The following TCF12 variants were observed in gnomAD, a reference collection of about 807,000 sequenced individuals.
The protein encoded by TCF12 is DNA-binding protein HTF4.
Under a neutral mutation model 86.0 loss-of-function variants are expected in TCF12, and 45 were observed. The ratio of observed to expected loss-of-function variants is 0.52; its 90% CI spans 0.41 to 0.67. The LOEUF (loss-of-function observed/expected upper bound fraction) is 0.67, where lower values mean the gene tolerates loss of function less well. TCF12 is among the 30% of genes least tolerant of loss of function. The pLI is 0.00. For synonymous variants in TCF12, 330 were observed against 299.6 expected, an observed-to-expected ratio of 1.10 and a Z score of -1.05; for missense variants, 881 against 859.9, an observed-to-expected ratio of 1.02 and a Z score of -0.31.
chr15:57,042,515 T>C (rs2141464963), intron 3 of TCF12, among the ~76,000 whole-genome samples: 1 of 152,262 alleles, frequency 6.6e-6, no homozygotes, highest in South Asian at 2.1e-4. Context: ...CGGGGCTGAA[T>C]TGATCATCCT....
chr15:57,084,692 G>T (rs1252585484), intron 4 of TCF12, among the ~76,000 whole-genome samples: 1 of 151,860 alleles, frequency 6.6e-6, no homozygotes, highest in Non-Finnish European at 1.5e-5. Flanking sequence ...GCTTTTAAAA[G>T]ATACTATCTA....
At chr15:57,099,404 G>A (rs1056364732) in intron 5 of TCF12, among the ~76,000 whole-genome samples, 2 of 151,940 alleles carry the variant, frequency 1.3e-5, no homozygotes. Context: ...ACTTGAAAGA[G>A]TAACCAGGAT....
intron 6 of TCF12, among the ~76,000 whole-genome samples, chr15:57,170,779 ATATATATATATAATATATATATATAAT>A (rs1273536813): frequency 0.45 from 4,318 of 9,530 alleles, 485 homozygotes; most frequent in Non-Finnish European, 0.52. Context: ...ATTATATATA[ATATATATATATAATATATATATATAAT>A]TTTTTTTTTT....
chr15:57,058,577 T>C (rs1267656208), intron 3 of TCF12, among the ~76,000 whole-genome samples: 3 of 152,228 alleles, frequency 2.0e-5, no homozygotes, highest in African/African-American at 7.2e-5. Context: ...ACTTACTTTC[T>C]TACATATGTG....
intron 18 of TCF12, among the ~76,000 whole-genome samples, chr15:57,268,659 T>G (rs1167417537): frequency 6.6e-6 from 1 of 152,208 alleles, no homozygotes; most frequent in African/African-American, 2.4e-5. Context: ...TGGTCAGTAA[T>G]TTATATCTGA....
intron 3 of TCF12, among the ~76,000 whole-genome samples, chr15:56,988,480 A>C (rs1376763190): frequency 6.6e-6 from 1 of 152,156 alleles, no homozygotes; most frequent in African/African-American, 2.4e-5. Context: ...TGTTGACCCA[A>C]ATGTCATTAT....
intron 5 of TCF12, among the ~76,000 whole-genome samples, chr15:57,145,481 A>G (rs1219434329): frequency 6.6e-6 from 1 of 151,998 alleles, no homozygotes; most frequent in African/African-American, 2.4e-5. Context: ...GTAGTTTGAA[A>G]TATGTAAAAA....
chr15:56,997,106 A>T (rs72749487), intron 3 of TCF12, among the ~76,000 whole-genome samples: 11 of 152,320 alleles, frequency 7.2e-5, no homozygotes, highest in Non-Finnish European at 1.0e-4. Flanking sequence ...CATTTGACCC[A>T]GCAATCTCAC....
intron 3 of TCF12, among the ~76,000 whole-genome samples, chr15:56,945,954 T>C (rs2060975941): frequency 6.6e-6 from 1 of 152,184 alleles, no homozygotes; most frequent in Non-Finnish European, 1.5e-5. Context: ...TAGTATGATA[T>C]AGCTACAGCA....
chr15:57,224,240 A>C (rs1244390323), intron 8 of TCF12, among the ~76,000 whole-genome samples: 1 of 152,066 alleles, frequency 6.6e-6, no homozygotes, highest in Admixed American at 6.5e-5. Context: ...AATTTTTTTT[A>C]AAGTAGGTAG....
At chr15:57,251,074 T>C (rs949865230) in intron 13 of TCF12, 18 of 319,412 alleles carry the variant, frequency 5.6e-5, no homozygotes, top group Non-Finnish European at 1.2e-5. Context: ...TACATAGGCA[T>C]GTGGACTAAG....
In TCF12 at chr15:57,234,074, G is replaced by A. The variant is rs752032598; in HGVS notation, c.1002G>A (p.Gln334=). Reference sequence around the variant, plus strand: ...GAGGGAATGCTGCTGGAAGCTCACAGACAGGTGATGCACTTGGAAAGGCTT... The same window carrying A: ...GAGGGAATGCTGCTGGAAGCTCACAAACAGGTGATGCACTTGGAAAGGCTT... ...GTRGNAAGSS[Q]TGDALGKALA... Residue 334 remains glutamine, a synonymous_variant, in exon 12 of 21, where the codon CAG becomes CAA. Transcript: ENST00000333725. 5 of 1,613,652 alleles carry A rather than the reference G, an allele frequency of 3.1e-6. No homozygotes were observed. The highest frequency in any genetic ancestry group is 1.3e-5 in the African/African-American group (1 of 75,014).
At chr15:57,064,812 A>AAAAAAAAAAAG (rs554263213) in intron 4 of TCF12, among the ~76,000 whole-genome samples, 11 of 123,452 alleles carry the variant, frequency 8.9e-5, no homozygotes, top group African/African-American at 2.6e-4. Context: ...AAAAAAAAAA[A>AAAAAAAAAAAG]AGAGAGAGAG....
chr15:56,999,083 A>G (rs1284963602), intron 3 of TCF12, among the ~76,000 whole-genome samples: 1 of 151,958 alleles, frequency 6.6e-6, no homozygotes, highest in African/African-American at 2.4e-5. Flanking sequence ...CTGTAGTCCC[A>G]GCTAATCGGG....
intron 3 of TCF12, among the ~76,000 whole-genome samples, chr15:56,953,559 T>C (rs2061371358): frequency 6.6e-6 from 1 of 151,982 alleles, no homozygotes; most frequent in Admixed American, 6.6e-5. Context: ...GTGTAGAGTT[T>C]TTCATTGGAG....
At chr15:57,207,179 A>T (rs2057867109) in intron 8 of TCF12, among the ~76,000 whole-genome samples, 1 of 152,146 alleles carries the variant, frequency 6.6e-6, no homozygotes. Context: ...TTCCAACCCA[A>T]GTGTGACTGT....
chr15:57,135,379 A>G (rs185348571), intron 5 of TCF12, among the ~76,000 whole-genome samples: 7 of 152,212 alleles, frequency 4.6e-5, no homozygotes, highest in African/African-American at 1.4e-4. Flanking sequence ...GTAAAATGCT[A>G]TGAAAGAGAC....
intron 5 of TCF12, among the ~76,000 whole-genome samples, chr15:57,102,021 C>T (rs1204130760): frequency 1.3e-5 from 2 of 152,038 alleles, no homozygotes; most frequent in Admixed American, 1.3e-4. Context: ...CAATGATAAT[C>T]GTATAGGTAC....
At chr15:56,952,753 C>T (rs1010774954) in intron 3 of TCF12, among the ~76,000 whole-genome samples, 36 of 152,128 alleles carry the variant, frequency 2.4e-4, no homozygotes, top group African/African-American at 8.2e-4. Context: ...AATTCTGGTA[C>T]TTTCTGTAGA....
Sources: allele counts gnomAD v4.1 joint callset (sites outside exome capture counted in the v4.1 genomes callset), GRCh38; gene constraint gnomAD v4.1.1; transcripts MANE v1.5; gene names NCBI Gene and HGNC (gene_info 2026-07-23, HGNC 2026-07-21).